VAV2: variants seen among roughly 807,000 people sequenced by gnomAD.
The protein encoded by VAV2 is vav guanine nucleotide exchange factor 2.
A neutral mutation model predicts 132.5 loss-of-function variants in VAV2; 67 were observed. The observed-to-expected ratio is 0.51, with a 90% CI of 0.42 to 0.62. The LOEUF (loss-of-function observed/expected upper bound fraction) is 0.62. Ranked by LOEUF, VAV2 falls within the 20% of genes least tolerant of loss-of-function variation. The pLI, the probability that VAV2 is intolerant of heterozygous loss-of-function variation, is 0.00. For synonymous variants in VAV2, 492 were observed against 443.5 expected (o/e 1.11, Z -1.37); for missense variants, 938 against 1,153.6 (o/e 0.81, Z 2.71).
chr9:133,892,925 C>G (rs945895643), intron 2 of VAV2, among the ~76,000 whole-genome samples: 2 of 152,178 alleles, frequency 1.3e-5, no homozygotes, highest in Non-Finnish European at 2.9e-5. Context: ...CCGAGCCCAC[C>G]CCCAGAATTA....
intron 1 of VAV2, among the ~76,000 whole-genome samples, chr9:133,944,879 C>T (rs957356798): frequency 6.6e-6 from 1 of 152,132 alleles, no homozygotes; most frequent in Non-Finnish European, 1.5e-5. Flanking sequence ...CAGGAGAGCT[C>T]GGGCAAGTCT....
At chr9:133,881,844 C>G (rs1458947367) in intron 2 of VAV2, among the ~76,000 whole-genome samples, 1 of 152,246 alleles carries the variant, frequency 6.6e-6, no homozygotes, top group African/African-American at 2.4e-5. Flanking sequence ...GTGGCCCCGG[C>G]TGGCATCACG....
chr9:133,942,053 T>C (rs1056600539), intron 1 of VAV2, among the ~76,000 whole-genome samples: 3 of 152,180 alleles, frequency 2.0e-5, no homozygotes, highest in African/African-American at 4.8e-5. Flanking sequence ...TGGATGGTGG[T>C]GATGGTGCTT....
At chr9:133,862,669 G>T (rs1198452697) in intron 2 of VAV2, among the ~76,000 whole-genome samples, 1 of 152,188 alleles carries the variant, frequency 6.6e-6, no homozygotes, top group Non-Finnish European at 1.5e-5. Flanking sequence ...CTGGGTGCTG[G>T]CGTCATAGGA....
chr9:133,972,997 G>A (rs553157882), intron 1 of VAV2, among the ~76,000 whole-genome samples: 35 of 152,172 alleles, frequency 2.3e-4, no homozygotes, highest in African/African-American at 7.7e-4. Context: ...CGGAGGAGGA[G>A]GGCACTGGGG....
At chr9:133,807,183 A>T (rs1288178026) in intron 8 of VAV2, 75 bp downstream of exon 8, 2 of 1,513,906 alleles carry the variant, frequency 1.3e-6, no homozygotes, top group South Asian at 2.5e-5. Flanking sequence ...GGCCCTGAGG[A>T]CAGCAGGACA....
chr9:133,892,946 G>A (rs1839038710), intron 2 of VAV2, among the ~76,000 whole-genome samples: 1 of 152,220 alleles, frequency 6.6e-6, no homozygotes, highest in African/African-American at 2.4e-5. Flanking sequence ...TCATCAGGAT[G>A]ATGTCTCACA....
In VAV2 at chr9:133,910,893, A is replaced by G. The variant is rs116839045; in HGVS notation, c.321+28210T>C. Among the ~76,000 whole-genome samples, 720 of 151,948 alleles carry G rather than the reference A, an allele frequency of 4.7e-3. 4 individuals carry two copies. The highest frequency in any genetic ancestry group is 0.017 in the African/African-American group (691 of 41,442). Reference sequence around the variant, plus strand: ...TGCAGTCAGAGTTGTCTGCACTGGTACAGAGGCGGGCACGGGAGTCTAACA... The same window carrying G: ...TGCAGTCAGAGTTGTCTGCACTGGTGCAGAGGCGGGCACGGGAGTCTAACA... On this transcript the variant is annotated intron_variant, in intron 2 of 29. Transcript: ENST00000371850.
chr9:133,770,517 A>C lies in VAV2; in HGVS notation c.2224-16T>G. 4 of 1,611,822 alleles carry C rather than the reference A, an allele frequency of 2.5e-6. No homozygotes were observed. The highest frequency in any genetic ancestry group is 3.4e-6 in the Non-Finnish European group (4 of 1,178,450). On this transcript the variant is annotated splice_polypyrimidine_tract_variant and intron_variant, in intron 26 of 29. Transcript: ENST00000371850. Reference sequence around the variant, plus strand: ...CCACCAACTCCTGCAGGGCGTACACACTCACTGACAGCTGCTGCCACCTCC... The same window carrying C: ...CCACCAACTCCTGCAGGGCGTACACCCTCACTGACAGCTGCTGCCACCTCC...
At position 133,768,720 on chromosome 9, in the gene VAV2, G is replaced by A. The variant is rs879844919; in HGVS notation, c.2435-124C>T. ...AGAACCCTGCTCTGTACCCAGAGAG[G>A]AAGGATGTCAAGCAGAAAGGCTCTG... On this transcript the variant is annotated intron_variant, in intron 28 of 29. Transcript: ENST00000371850. This position sits in a 1 kb window ranked among gnomAD's most constrained non-coding sequence, Gnocchi z 5.3. The A allele has an allele frequency of 1.8e-5, 23 of 1,261,632 alleles. No individual in the cohort carries two copies. The highest frequency in any genetic ancestry group is 3.1e-5 in the South Asian group (2 of 64,996). 78.2% of individuals were successfully genotyped at this position (1,261,632 alleles called of 1,614,324 possible).
chr9:133,988,599 T>C (rs1842925509), intron 1 of VAV2, among the ~76,000 whole-genome samples: 1 of 152,162 alleles, frequency 6.6e-6, no homozygotes, highest in African/African-American at 2.4e-5. Context: ...TGGAGATGAC[T>C]TCTTCCCTCT....
At chr9:133,901,243 G>A (rs1372158280) in intron 2 of VAV2, among the ~76,000 whole-genome samples, 1 of 152,180 alleles carries the variant, frequency 6.6e-6, no homozygotes, top group Admixed American at 6.5e-5. Context: ...TCACAATGGC[G>A]ACCATTTATT....
At chr9:133,796,379 C>T (rs751227604) in intron 11 of VAV2, 50 bp downstream of exon 11, 1 of 1,548,612 alleles carries the variant, frequency 6.5e-7, no homozygotes, top group South Asian at 1.2e-5. Flanking sequence ...CAGCCCTCAT[C>T]TGACTCCAGC....
At position 133,861,172 on chromosome 9, in the gene VAV2, T is replaced by C. The variant is rs964288733; in HGVS notation, c.380+202A>G. 9 of 502,412 alleles carry C rather than the reference T, an allele frequency of 1.8e-5. No homozygotes were observed. The South Asian group carries it at 3.2e-4, about 18-fold the overall frequency. The allele number at this position is 502,412 out of a possible 1,614,324, so 31.1% of individuals were successfully genotyped here. On this transcript the variant is annotated intron_variant, in intron 3 of 29. Transcript: ENST00000371850. ...GCCGTCAGTAACATGCTTGCAAGAT[T>C]TCCCCGGTGTGAGCTGAAGCCTCCC...
In VAV2 at chr9:133,840,036, C is replaced by T. The variant is rs756307048; in HGVS notation, c.381-5696G>A. On this transcript the variant is annotated intron_variant, in intron 3 of 29. Transcript: ENST00000371850. The surrounding 1 kb of genome is among the most constrained non-coding windows in gnomAD (Gnocchi z 4.5). ...AGGCACCAGCTGATTTTCCTTCCCG[C>T]ACTTACCCCTAGCGTCCCCTACCCA... Among the ~76,000 whole-genome samples, 15 of 152,170 alleles carry T rather than the reference C, an allele frequency of 9.9e-5. No homozygotes were observed. Among genetic ancestry groups the T allele is most frequent in the Non-Finnish European group, 1.6e-4 (11 of 68,022 alleles).
At chr9:133,965,119 T>C (rs1215160315) in intron 1 of VAV2, among the ~76,000 whole-genome samples, 1 of 152,028 alleles carries the variant, frequency 6.6e-6, no homozygotes, top group African/African-American at 2.4e-5. Context: ...TTCAGTAACA[T>C]TGCAGGATAC....
chr9:133,788,298 T>C lies in VAV2; in HGVS notation c.1407+56A>G. ...CCCCTGGGGTCTGGAACCCAGTGCC[T>C]CTCTCCAGGCCACCCCCACGTTCCT... On this transcript the variant is annotated intron_variant, in intron 15 of 29. Transcript: ENST00000371850. This position sits in a 1 kb window ranked among gnomAD's most constrained non-coding sequence, Gnocchi z 5.3. The C allele has an allele frequency of 7.4e-7, 1 of 1,346,564 alleles. No individual in the cohort carries two copies. Among genetic ancestry groups the C allele is most frequent in the South Asian group, 1.2e-5 (1 of 85,548 alleles). 83.4% of individuals were successfully genotyped at this position (1,346,564 alleles called of 1,614,324 possible). A position where few individuals can be genotyped will look rare whatever the true frequency, so the allele number is the denominator to read the frequency against.
In VAV2 at chr9:133,953,309, A is replaced by T. The variant is rs187166112; in HGVS notation, c.205-14090T>A. Reference sequence around the variant, plus strand: ...CTGTGCCCTTGGCGCTGTGCCCCCCAAGCCCACCACAACAGGCACTTGGAA... The same window carrying T: ...CTGTGCCCTTGGCGCTGTGCCCCCCTAGCCCACCACAACAGGCACTTGGAA... On this transcript the variant is annotated intron_variant, in intron 1 of 29. Coordinates refer to ENST00000371850, the MANE Select transcript of VAV2 (RefSeq NM_001134398.2). 2.3e-4 allele frequency among the ~76,000 whole-genome samples: 35 copies of T among 152,346 alleles called. No homozygotes were observed. In the East Asian group the frequency reaches 5.2e-3, roughly 23 times the overall value.
rs1041004898 is a variant in VAV2, at chr9:133,919,181, C to A, written c.321+19922G>T. Among the ~76,000 whole-genome samples, 1 of 152,196 alleles carries A rather than the reference C, an allele frequency of 6.6e-6. No individual in the cohort carries two copies. The highest frequency in any genetic ancestry group is 1.9e-4 in the East Asian group (1 of 5,190). ...GCTCTGCCCACAGCCTCTCCACGCA[C>A]CCCCTCACTGCTGTGCCCTGGCACC... On this transcript the variant is annotated intron_variant, in intron 2 of 29. Transcript: ENST00000371850. This position sits in a 1 kb window ranked among gnomAD's most constrained non-coding sequence, Gnocchi z 5.8.
Sources: gnomAD v4.1 joint callset for allele counts (sites outside exome capture counted in the v4.1 genomes callset) on GRCh38, gnomAD v4.1.1 for gene constraint, Gnocchi (gnomAD v3.1) non-coding constraint, MANE v1.5 for transcripts, NCBI Gene and HGNC (gene_info 2026-07-23, HGNC 2026-07-21) for gene names.